The following SCG5 variants were observed in gnomAD, a reference collection of about 807,000 sequenced individuals.
SCG5 encodes the protein secretogranin V.
In SCG5, 18 loss-of-function variants were observed where a neutral mutation model predicts 25.7. The ratio of observed to expected loss-of-function variants is 0.70; its 90% CI spans 0.48 to 1.04. The LOEUF (loss-of-function observed/expected upper bound fraction) is 1.04. Among genes scored for constraint, SCG5 ranks in the 50% least tolerant of loss-of-function variants. The pLI is 0.00. For synonymous variants in SCG5, 101 were observed against 91.7 expected, an observed-to-expected ratio of 1.10 and a Z score of -0.58; for missense variants, 206 against 259.8, an observed-to-expected ratio of 0.79 and a Z score of 1.42.
chr15:32,689,846 T>C (rs1178438828), intron 4 of SCG5, among the ~76,000 whole-genome samples: 7 of 150,300 alleles, frequency 4.7e-5, no homozygotes, highest in African/African-American at 1.2e-4. Context: ...CATTTCTTTT[T>C]TTTTTTTTTT....
At chr15:32,663,724 A>C (rs1335743493) in intron 2 of SCG5, among the ~76,000 whole-genome samples, 5 of 151,980 alleles carry the variant, frequency 3.3e-5, no homozygotes, top group Admixed American at 3.3e-4. Context: ...GATTCTAATG[A>C]TTGTCTAGCT....
At chr15:32,656,411 T>C (rs916448215) in intron 2 of SCG5, 5 of 152,242 alleles carry the variant, frequency 3.3e-5, no homozygotes, top group African/African-American at 1.2e-4. Flanking sequence ...AAATTTTATA[T>C]ATTTTATGGC....
In SCG5 at chr15:32,650,281, T is replaced by G. The variant is rs145160829; in HGVS notation, c.226+6463T>G. The stretch of plus-strand genomic sequence containing the variant: ...CCTGGCTAATTTTTTTTTCGTATTT[T>G]TAGTAGAGACGGGGTTTCACCATGT... On this transcript the variant is annotated intron_variant, in intron 2 of 5. Coordinates refer to ENST00000300175, the MANE Select transcript of SCG5 (RefSeq NM_001144757.3). Among the ~76,000 whole-genome samples the G allele has an allele frequency of 7.1e-3, 1,080 of 152,212 alleles. 14 individuals are homozygous for G. Among genetic ancestry groups the G allele is most frequent in the Middle Eastern group, 0.031 (9 of 292 alleles).
chr15:32,684,057 G>C lies in SCG5; in HGVS notation c.377-500G>C, dbSNP rs190399761. Among the ~76,000 whole-genome samples, 802 of 152,302 alleles carry C rather than the reference G, an allele frequency of 5.3e-3. 29 individuals are homozygous for C. The highest frequency in any genetic ancestry group is 0.047 in the Admixed American group (726 of 15,306). ...GAGGCTGTAGTGCGGTGGATGGTTC[G>C]GCACCCCAGACTGCCATCTTTACAC... On this transcript the variant is annotated intron_variant, in intron 3 of 5. Transcript: ENST00000300175.
chr15:32,671,691 C>T (rs1309477517), intron 2 of SCG5, among the ~76,000 whole-genome samples: 2 of 146,352 alleles, frequency 1.4e-5, no homozygotes, highest in Admixed American at 1.4e-4. Flanking sequence ...GTGTTTACCT[C>T]AAGTAGTGAA....
chr15:32,665,915 A>G (rs571594930), intron 2 of SCG5: 4 of 152,312 alleles, frequency 2.6e-5, no homozygotes, highest in African/African-American at 9.6e-5. Flanking sequence ...GAACAAATCA[A>G]TCCTAAGAAA....
intron 2 of SCG5, chr15:32,655,991 T>C (rs921506237): frequency 1.3e-5 from 2 of 152,222 alleles, no homozygotes; most frequent in Non-Finnish European, 2.9e-5. Context: ...TTTTTGCCCC[T>C]CTGCCCCACA....
chr15:32,666,242 C>T (rs1336565875), intron 2 of SCG5: 1 of 152,198 alleles, frequency 6.6e-6, no homozygotes, highest in Non-Finnish European at 1.5e-5. Context: ...GATGCACATA[C>T]ATACTTTATT....
At chr15:32,692,882 A>G (rs1266640134) in intron 5 of SCG5, among the ~76,000 whole-genome samples, 2 of 152,340 alleles carry the variant, frequency 1.3e-5, no homozygotes, top group East Asian at 3.9e-4. Context: ...GACAAAACAC[A>G]GAAGACATAC....
rs1172610329 is a variant in SCG5, at chr15:32,696,689, T to C, written c.*80T>C. On this transcript the variant is annotated 3_prime_UTR_variant, in exon 6 of 6. Transcript: ENST00000300175. The stretch of plus-strand genomic sequence containing the variant: ...TGTGCACGTGTAAATGGAGTCCCTG[T>C]GAATGACAGCATGTTTCTTACATAG... 1 of 811,570 alleles carries C rather than the reference T, an allele frequency of 1.2e-6. No individual in the cohort carries two copies. The highest frequency in any genetic ancestry group is 2.1e-6 in the Non-Finnish European group (1 of 472,438). 50.3% of individuals were successfully genotyped at this position (811,570 alleles called of 1,614,324 possible).
At position 32,679,803 on chromosome 15, in the gene SCG5, T is replaced by C; in HGVS notation, c.264T>C (p.Phe88=). 1 of 1,613,986 alleles carries C rather than the reference T, an allele frequency of 6.2e-7. No homozygotes were observed. The highest frequency in any genetic ancestry group is 1.1e-5 in the South Asian group (1 of 91,088). ...AHEGLQHLGP[F]GNIPNIVAEL... Reference sequence around the variant, plus strand: ...AAGGACTTCAGCATTTGGGTCCTTTTGGCAACATCCCCAACATCGTGGCAG... The same window carrying C: ...AAGGACTTCAGCATTTGGGTCCTTTCGGCAACATCCCCAACATCGTGGCAG... The change falls in exon 3 of 6, where the codon TTT becomes TTC. Residue 88 remains phenylalanine (F), a synonymous_variant. Transcript: ENST00000300175.
chr15:32,655,347 A>G (rs1418752361), intron 2 of SCG5, among the ~76,000 whole-genome samples: 20 of 151,996 alleles, frequency 1.3e-4, no homozygotes, highest in Admixed American at 1.3e-3. Flanking sequence ...TAGAGCAAAC[A>G]CCATATATGA....
At chr15:32,649,908 CA>C (rs1302577206) in intron 2 of SCG5, among the ~76,000 whole-genome samples, 1 of 151,952 alleles carries the variant, frequency 6.6e-6, no homozygotes, top group Non-Finnish European at 1.5e-5. Flanking sequence ...AAAATCGGCC[CA>C]AATAAAATGG....
At chr15:32,663,582 T>A (rs1023435502) in intron 2 of SCG5, among the ~76,000 whole-genome samples, 1 of 152,186 alleles carries the variant, frequency 6.6e-6, no homozygotes, top group African/African-American at 2.4e-5. Context: ...ATACTTTTCC[T>A]ACCTGGTGGA....
intron 5 of SCG5, among the ~76,000 whole-genome samples, chr15:32,695,007 CTTTCT>C (rs1303989404): frequency 2.3e-4 from 22 of 94,548 alleles, no homozygotes; most frequent in Admixed American, 8.0e-4. Context: ...CAGCTTCTTT[CTTTCT>C]TTTTTTTTTT....
At position 32,660,533 on chromosome 15, in the gene SCG5, A is replaced by G. The variant is rs2054199043; in HGVS notation, c.226+16715A>G. On this transcript the variant is annotated intron_variant, in intron 2 of 5. Transcript: ENST00000300175. ...AGCAGTAAGAGTGAGCCTACCTTAG[A>G]TCTATTAATAGAGCTCATTCAGCCA... 2.0e-5 allele frequency among the ~76,000 whole-genome samples: 3 copies of G among 152,304 alleles called. No individual in the cohort carries two copies. The South Asian group carries it at 6.2e-4, about 32-fold the overall frequency.
At chr15:32,663,184 A>C (rs890066960) in intron 2 of SCG5, among the ~76,000 whole-genome samples, 1 of 150,798 alleles carries the variant, frequency 6.6e-6, no homozygotes, top group African/African-American at 2.4e-5. Context: ...ATACTATACA[A>C]TTCAACAATT....
At chr15:32,687,722 G>T (rs1488300546) in intron 4 of SCG5, among the ~76,000 whole-genome samples, 3 of 152,180 alleles carry the variant, frequency 2.0e-5, no homozygotes, top group Admixed American at 6.5e-5. Context: ...GAGCTGAGCT[G>T]CATCTTTAAC....
intron 2 of SCG5, among the ~76,000 whole-genome samples, chr15:32,677,037 TG>T (rs2054542877): frequency 6.6e-6 from 1 of 152,216 alleles, no homozygotes; most frequent in Non-Finnish European, 1.5e-5. Context: ...TAGATGTTTA[TG>T]GGTTATATAA....
Sources: allele counts gnomAD v4.1 joint callset (sites outside exome capture counted in the v4.1 genomes callset), GRCh38; gene constraint gnomAD v4.1.1; transcripts MANE v1.5; gene names NCBI Gene and HGNC (gene_info 2026-07-23, HGNC 2026-07-21).